The following THSD7B variants were observed in gnomAD, a reference collection of about 807,000 sequenced individuals.
THSD7B encodes the protein thrombospondin type-1 domain-containing protein 7B.
A neutral mutation model predicts 213.6 loss-of-function variants in THSD7B; 138 were observed. That is an observed-to-expected ratio of 0.65 (90% CI 0.56 to 0.74). The LOEUF (loss-of-function observed/expected upper bound fraction) is 0.74. Among genes scored for constraint, THSD7B ranks in the 30% least tolerant of loss-of-function variants. The probability of loss-of-function intolerance (pLI) is 0.00; values close to 1 mark genes in which losing one functional copy is unlikely to be tolerated. For missense variants in THSD7B, 1,931 were observed against 1,991.5 expected (o/e 0.97, Z 0.58); for synonymous variants, 742 against 687.0 (o/e 1.08, Z -1.25).
chr2:137,347,464 G>A (rs368669797), intron 12 of THSD7B, among the ~76,000 whole-genome samples: 7 of 151,662 alleles, frequency 4.6e-5, no homozygotes, highest in East Asian at 3.9e-4. Flanking sequence ...TGTGGACTCC[G>A]GGGAGCTGGA....
intron 1 of THSD7B, among the ~76,000 whole-genome samples, chr2:136,848,370 T>C (rs1683043408): frequency 6.6e-6 from 1 of 152,168 alleles, no homozygotes; most frequent in Non-Finnish European, 1.5e-5. Flanking sequence ...TCTGGCCCTA[T>C]AATTTGCATT....
intron 2 of THSD7B, among the ~76,000 whole-genome samples, chr2:137,008,421 T>G (rs1686157958): frequency 6.6e-6 from 1 of 152,176 alleles, no homozygotes; most frequent in Non-Finnish European, 1.5e-5. Flanking sequence ...TAAGGGTGCA[T>G]TGTGTCTTTA....
chr2:136,855,390 A>T lies in THSD7B; in HGVS notation c.-35-26754A>T, dbSNP rs374044794. On this transcript the variant is annotated intron_variant, in intron 1 of 27. Transcript: ENST00000409968. ...AAACTACTTAACATGACTTTAGAGG[A>T]CGTCTATGACCTGGCACCTGCCTGT... Among the ~76,000 whole-genome samples, 55 of 152,066 alleles carry T rather than the reference A, an allele frequency of 3.6e-4. 2 individuals carry two copies. In the South Asian group the frequency reaches 0.011, roughly 32 times the overall value.
At chr2:137,042,515 T>A (rs754907310) in intron 2 of THSD7B, among the ~76,000 whole-genome samples, 2 of 152,212 alleles carry the variant, frequency 1.3e-5, no homozygotes, top group Non-Finnish European at 2.9e-5. Flanking sequence ...GAGGAGTCCT[T>A]TAAAAATGAA....
rs542058825 is a variant in THSD7B at position 137,164,357 on chromosome 2, G to A, written c.1525+3989G>A. ...ACCATCTCACGCCAGTTAGAATGGC[G>A]ATCATTAAAAAGTCAGGAAACAACA... On this transcript the variant is annotated intron_variant, in intron 6 of 27. Transcript: ENST00000409968. 2.0e-3 allele frequency among the ~76,000 whole-genome samples: 305 copies of A among 152,220 alleles called. 2 individuals carry two copies. Among genetic ancestry groups the A allele is most frequent in the Admixed American group, 4.6e-3 (71 of 15,280 alleles).
At chr2:137,649,348 C>T (rs1683097436) in intron 21 of THSD7B, among the ~76,000 whole-genome samples, 2 of 152,116 alleles carry the variant, frequency 1.3e-5, no homozygotes, top group Admixed American at 1.3e-4. Context: ...AAATCTTTTC[C>T]CAGACCAATA....
intron 10 of THSD7B, among the ~76,000 whole-genome samples, chr2:137,251,372 T>C (rs560084491): frequency 6.6e-6 from 1 of 152,296 alleles, no homozygotes; most frequent in African/African-American, 2.4e-5. Flanking sequence ...TGTTTGTTCA[T>C]TCATTTGTCT....
At position 137,420,433 on chromosome 2, in the gene THSD7B, C is replaced by T. The variant is rs374255321; in HGVS notation, c.2959+8561C>T. ...TTGAAAAACCACAGACAGTCTTGCC[C>T]GGCAGCCCTTTCCTGACTCCCCAAC... On this transcript the variant is annotated intron_variant, in intron 14 of 27. Transcript: ENST00000409968. 2.6e-4 allele frequency among the ~76,000 whole-genome samples: 39 copies of T among 152,226 alleles called. No homozygotes were observed. The East Asian group carries it at 6.7e-3, about 26-fold the overall frequency.
At chr2:137,267,473 A>G (rs1014203131) in intron 10 of THSD7B, among the ~76,000 whole-genome samples, 1 of 152,130 alleles carries the variant, frequency 6.6e-6, no homozygotes. Context: ...TTAAAATAAC[A>G]GAAGGACAGT....
intron 7 of THSD7B, among the ~76,000 whole-genome samples, chr2:137,171,166 A>G (rs1458431402): frequency 2.0e-5 from 3 of 152,224 alleles, no homozygotes; most frequent in Admixed American, 6.5e-5. Context: ...CTTAAATGCA[A>G]TACAGCAAAC....
intron 1 of THSD7B, among the ~76,000 whole-genome samples, chr2:136,772,106 A>G (rs1681518711): frequency 6.7e-6 from 1 of 148,744 alleles, no homozygotes; most frequent in Non-Finnish European, 1.5e-5. Context: ...TGCAACTGGT[A>G]AACCACAGAG....
chr2:136,768,763 A>G (rs1417248745), intron 1 of THSD7B, among the ~76,000 whole-genome samples: 1 of 152,226 alleles, frequency 6.6e-6, no homozygotes, highest in Non-Finnish European at 1.5e-5. Context: ...ATTTTTGAAT[A>G]TGGATTGCAC....
At chr2:136,810,884 A>G (rs938627475) in intron 1 of THSD7B, among the ~76,000 whole-genome samples, 4 of 152,140 alleles carry the variant, frequency 2.6e-5, no homozygotes, top group African/African-American at 9.7e-5. Context: ...GGATTCTTTG[A>G]GTTCCTTCAT....
At chr2:137,581,846 C>T (rs1161826028) in intron 17 of THSD7B, among the ~76,000 whole-genome samples, 1 of 150,840 alleles carries the variant, frequency 6.6e-6, no homozygotes, top group East Asian at 1.9e-4. Flanking sequence ...ACCTGTAATC[C>T]CAGCATTTTG....
chr2:137,004,570 G>C (rs1686067924), intron 2 of THSD7B, among the ~76,000 whole-genome samples: 1 of 152,134 alleles, frequency 6.6e-6, no homozygotes, highest in Admixed American at 6.5e-5. Flanking sequence ...CAGGTAATTA[G>C]TCTTTCAAGA....
intron 2 of THSD7B, among the ~76,000 whole-genome samples, chr2:136,914,101 T>G (rs997524147): frequency 2.0e-5 from 3 of 152,218 alleles, no homozygotes; most frequent in Non-Finnish European, 4.4e-5. Context: ...AACCCACCTC[T>G]TGCATCAGCG....
chr2:136,765,921 C>T (rs1681381086), intron 1 of THSD7B, among the ~76,000 whole-genome samples: 1 of 152,224 alleles, frequency 6.6e-6, no homozygotes, highest in African/African-American at 2.4e-5. Flanking sequence ...GCCCGGGGCG[C>T]AGTGTGCGGA....
rs1573754279 is a variant in THSD7B at position 136,992,846 on chromosome 2, C to T, written c.140-63574C>T. Among the ~76,000 whole-genome samples the T allele has an allele frequency of 3.9e-5, 6 of 152,320 alleles. No homozygotes were observed. In the East Asian group the frequency reaches 1.2e-3, roughly 29 times the overall value. On this transcript the variant is annotated intron_variant, in intron 2 of 27. Transcript: ENST00000409968. ...CCCATAGAGTGGACCCAAGACTACG[C>T]ATGGGTCATCCGCAATGTCTGTTAA...
At chr2:137,551,250 A>G (rs949550682) in intron 15 of THSD7B, among the ~76,000 whole-genome samples, 2 of 152,070 alleles carry the variant, frequency 1.3e-5, no homozygotes, top group Non-Finnish European at 2.9e-5. Flanking sequence ...TTTATATGTA[A>G]AGGCAGCAGT....
Sources: gnomAD v4.1 joint callset for allele counts (sites outside exome capture counted in the v4.1 genomes callset) on GRCh38, gnomAD v4.1.1 for gene constraint, MANE v1.5 for transcripts, NCBI Gene and HGNC (gene_info 2026-07-23, HGNC 2026-07-21) for gene names.